The following KIAA0586 variants were observed in gnomAD, a reference collection of about 807,000 sequenced individuals.
KIAA0586 encodes the protein KIAA0586.
A neutral mutation model predicts 169.8 loss-of-function variants in KIAA0586; 144 were observed. The observed-to-expected ratio is 0.85, with a 90% CI of 0.74 to 0.97. The LOEUF (loss-of-function observed/expected upper bound fraction) is 0.97, where lower values mean the gene tolerates loss of function less well. Ranked by LOEUF, KIAA0586 falls within the 50% of genes least tolerant of loss-of-function variation. The pLI is 0.00. For missense variants in KIAA0586, 1,854 were observed against 1,823.0 expected (o/e 1.02, Z -0.31); for synonymous variants, 625 against 612.4 (o/e 1.02, Z -0.30).
At chr14:58,511,785 A>T (rs2044404718) in intron 28 of KIAA0586, among the ~76,000 whole-genome samples, 1 of 152,298 alleles carries the variant, frequency 6.6e-6, no homozygotes, top group Middle Eastern at 3.4e-3. Context: ...ATGTGGACAG[A>T]TGTTTTAGAT....
chr14:58,470,847 A>G (rs536975567), intron 17 of KIAA0586, 124 bp downstream of exon 17: 16 of 561,680 alleles, frequency 2.8e-5, no homozygotes, highest in Admixed American at 6.2e-5. Context: ...TGAAGAAAAG[A>G]TTGAAAACAA....
At position 58,497,442 on chromosome 14, in the gene KIAA0586, C is replaced by A. The variant is rs145199678; in HGVS notation, c.3991-1341C>A. 2.4e-3 allele frequency among the ~76,000 whole-genome samples: 359 copies of A among 151,802 alleles called. 3 individuals are homozygous for A. The East Asian group carries it at 0.04, about 17-fold the overall frequency. On this transcript the variant is annotated intron_variant, in intron 26 of 30. Coordinates refer to ENST00000652326, the MANE Select transcript of KIAA0586 (RefSeq NM_001329943.3). ...TGGCTCAGTCTCGGCTCACTGCAGC[C>A]TCTGCCTCCTGGTTTCAAGTGATTT...
intron 4 of KIAA0586, among the ~76,000 whole-genome samples, chr14:58,435,120 A>C (rs146015333): frequency 6.6e-6 from 1 of 152,274 alleles, no homozygotes; most frequent in African/African-American, 2.4e-5. Flanking sequence ...ATCTTTACAA[A>C]AGCCTAGCAC....
chr14:58,443,953 G>T lies in KIAA0586; in HGVS notation c.586-1G>T. The T allele has an allele frequency of 1.3e-6, 2 of 1,576,846 alleles. No individual in the cohort carries two copies. The highest frequency in any genetic ancestry group is 2.3e-5 in the South Asian group (2 of 87,868). ...TTTTAAAAATGTTTTTATTGTTTTA[G>T]GTGCAGAGTGATTTGGAAGCAAAAG... On this transcript the variant is annotated splice_acceptor_variant, in intron 5 of 30. Transcript: ENST00000652326. LOFTEE classifies it high-confidence loss of function.
At chr14:58,524,242 A>T (rs2045420042) in intron 29 of KIAA0586, among the ~76,000 whole-genome samples, 1 of 152,162 alleles carries the variant, frequency 6.6e-6, no homozygotes, top group Non-Finnish European at 1.5e-5. Context: ...AGAAACTGTT[A>T]TTTTATGATC....
chr14:58,492,052 A>T (rs892937961), intron 25 of KIAA0586, 92 bp from the exon 26 acceptor site: 16 of 1,039,752 alleles, frequency 1.5e-5, no homozygotes, highest in Middle Eastern at 3.2e-4. Context: ...TCATCATCTC[A>T]TGACTGATAA....
rs199837404 is a variant in KIAA0586 at position 58,443,988 on chromosome 14, T to C, written c.620T>C (p.Val207Ala). The C allele has an allele frequency of 7.4e-5, 119 of 1,609,478 alleles. No homozygotes were observed. Among genetic ancestry groups the C allele is most frequent in the Non-Finnish European group, 9.9e-5 (117 of 1,177,408 alleles). ...QSDLEAKVNSVTELLSKLQET... is the reference protein window; with the variant it reads ...QSDLEAKVNSATELLSKLQET... Reference sequence around the variant, plus strand: ...GATTTGGAAGCAAAAGTCAATTCTGTTACAGAATTACTTAGTAAATTACAG... The same window carrying C: ...GATTTGGAAGCAAAAGTCAATTCTGCTACAGAATTACTTAGTAAATTACAG... Residue 207 changes from valine to alanine, a missense_variant, in exon 6 of 31, where the codon GTT becomes GCT. Physicochemically the swap from Val to Ala is moderately conservative, Grantham distance 64 (BLOSUM62 0). Transcript: ENST00000652326.
chr14:58,442,430 T>C (rs1362984150), intron 4 of KIAA0586, among the ~76,000 whole-genome samples: 3 of 152,240 alleles, frequency 2.0e-5, no homozygotes, highest in Admixed American at 2.0e-4. Context: ...TTTGTACTTC[T>C]TGAAAATGTC....
At chr14:58,432,570 T>C (rs1595067909) in intron 4 of KIAA0586, 113 bp downstream of exon 4, 2 of 585,548 alleles carry the variant, frequency 3.4e-6, no homozygotes, top group South Asian at 5.0e-5. Flanking sequence ...TTGTGTGATA[T>C]GTATAAAGCA....
chr14:58,515,533 A>G (rs1429812003), intron 29 of KIAA0586, among the ~76,000 whole-genome samples: 1 of 152,098 alleles, frequency 6.6e-6, no homozygotes, highest in Non-Finnish European at 1.5e-5. Context: ...TTGCCTTTGT[A>G]TTTGAAATTT....
rs2140391234 is a variant in KIAA0586 at position 58,429,404 on chromosome 14, C to G, written c.241C>G (p.Leu81Val). The G allele has an allele frequency of 6.3e-7, 1 of 1,599,234 alleles. No homozygotes were observed. Among genetic ancestry groups the G allele is most frequent in the Non-Finnish European group, 8.6e-7 (1 of 1,166,738 alleles). The change falls in exon 2 of 31, where the codon CTA becomes GTA. Residue 81 changes from leucine (L) to valine (V), a missense_variant. Coordinates refer to ENST00000652326, the MANE Select transcript of KIAA0586 (RefSeq NM_001329943.3). Reference protein sequence around the residue: ...LTSARNCYQPLLENPMVSESD... With the variant: ...LTSARNCYQPVLENPMVSESD... The stretch of plus-strand genomic sequence containing the variant: ...TTCTGCTAGAAATTGTTACCAGCCT[C>G]TATTAGAAAATCCCATGGTGTCAGA...
intron 29 of KIAA0586, among the ~76,000 whole-genome samples, chr14:58,527,225 C>T (rs11849746): frequency 0.019 from 2,968 of 152,228 alleles, 100 homozygotes; most frequent in African/African-American, 0.066. Flanking sequence ...AAACCTACAT[C>T]TGATTGGTGT....
At chr14:58,553,440 A>C (rs1273174518), downstream of KIAA0586, among the ~76,000 whole-genome samples, 2 of 152,190 alleles carry the variant, frequency 1.3e-5, no homozygotes, top group African/African-American at 2.4e-5. Flanking sequence ...AAAAATGAAA[A>C]GTAGAGTCAT....
At chr14:58,465,456 T>G (rs2040680166) in intron 14 of KIAA0586, among the ~76,000 whole-genome samples, 1 of 152,248 alleles carries the variant, frequency 6.6e-6, no homozygotes, top group Non-Finnish European at 1.5e-5. Flanking sequence ...TATATCTATT[T>G]TGTCACAGTA....
chr14:58,444,404 A>G (rs752506187), intron 6 of KIAA0586, among the ~76,000 whole-genome samples: 4 of 151,920 alleles, frequency 2.6e-5, no homozygotes, highest in Non-Finnish European at 5.9e-5. Context: ...CTCCTTTTAC[A>G]CTATTTTTGT....
intron 20 of KIAA0586, among the ~76,000 whole-genome samples, chr14:58,478,512 G>T (rs1420583226): frequency 1.3e-5 from 2 of 151,980 alleles, no homozygotes; most frequent in Non-Finnish European, 2.9e-5. Context: ...CAATCAATTT[G>T]GTAGAGATGG....
chr14:58,521,229 A>T, intron 29 of KIAA0586: 1 of 1,006,230 alleles, frequency 9.9e-7, no homozygotes, highest in Non-Finnish European at 1.5e-6. Flanking sequence ...CACAGTGGCC[A>T]GCAACGTTGC....
At chr14:58,538,765 C>T (rs982982103) in intron 29 of KIAA0586, among the ~76,000 whole-genome samples, 4 of 151,758 alleles carry the variant, frequency 2.6e-5, no homozygotes, top group African/African-American at 9.7e-5. Flanking sequence ...CCTTCTACTG[C>T]CTATCTCCAT....
intron 30 of KIAA0586, 71 bp from the exon 31 acceptor site, chr14:58,547,710 T>A: frequency 7.9e-7 from 1 of 1,268,292 alleles, no homozygotes; most frequent in Non-Finnish European, 1.1e-6. Flanking sequence ...CTCATATTAT[T>A]TCGCAAAGCA....
Sources: allele counts gnomAD v4.1 joint callset (sites outside exome capture counted in the v4.1 genomes callset), GRCh38; gene constraint gnomAD v4.1.1; transcripts MANE v1.5; gene names NCBI Gene and HGNC (gene_info 2026-07-23, HGNC 2026-07-21).